Variants in SLC25A26 observed in about 807,000 individuals in gnomAD.
The protein encoded by SLC25A26 is mitochondrial S-adenosylmethionine carrier protein.
SLC25A26 carries 36 observed loss-of-function variants against 37.8 expected under a neutral mutation model. That is an observed-to-expected ratio of 0.95 (90% CI 0.73 to 1.26). SLC25A26 has a LOEUF of 1.26. Ranked by LOEUF, SLC25A26 falls within the 50% of genes most tolerant of loss-of-function variation. The pLI is 0.00. For missense variants in SLC25A26, 390 were observed against 331.1 expected (o/e 1.18, Z -1.38); for synonymous variants, 129 against 122.5 (o/e 1.05, Z -0.35).
At chr3:66,255,863 G>T (rs530373486) in intron 3 of SLC25A26, among the ~76,000 whole-genome samples, 11 of 152,298 alleles carry the variant, frequency 7.2e-5, no homozygotes, top group African/African-American at 2.2e-4. Context: ...TCATGCCACA[G>T]TTGTCACCCA....
intron 1 of SLC25A26, among the ~76,000 whole-genome samples, chr3:66,234,351 T>C (rs984559638): frequency 2.6e-5 from 4 of 152,220 alleles, no homozygotes; most frequent in African/African-American, 9.6e-5. Flanking sequence ...TGTGAACTTT[T>C]TCCCATGACT....
intron 5 of SLC25A26, among the ~76,000 whole-genome samples, chr3:66,295,943 C>G (rs2074888104): frequency 6.6e-6 from 1 of 151,806 alleles, no homozygotes; most frequent in African/African-American, 2.4e-5. Flanking sequence ...ATGGTGAAAC[C>G]TCATCTTTAA....
At chr3:66,212,090 A>G (rs2071291542) in intron 1 of SLC25A26, among the ~76,000 whole-genome samples, 1 of 152,202 alleles carries the variant, frequency 6.6e-6, no homozygotes, top group Admixed American at 6.5e-5. Context: ...CTTTTGTTAC[A>G]GTATATTGTT....
At chr3:66,211,809 T>C (rs2071287282) in intron 1 of SLC25A26, among the ~76,000 whole-genome samples, 1 of 152,228 alleles carries the variant, frequency 6.6e-6, no homozygotes, top group East Asian at 1.9e-4. Flanking sequence ...TTTATTGTTG[T>C]AAAATATAAC....
chr3:66,168,198 T>TACACACAC (rs768205197), intron 1 of SLC25A26, among the ~76,000 whole-genome samples: 6 of 122,412 alleles, frequency 4.9e-5, no homozygotes, highest in African/African-American at 1.2e-4. Context: ...TATATATATA[T>TACACACAC]ATACACACAC....
chr3:66,172,192 C>T (rs1156590473), intron 1 of SLC25A26, among the ~76,000 whole-genome samples: 1 of 152,100 alleles, frequency 6.6e-6, no homozygotes, highest in Non-Finnish European at 1.5e-5. Flanking sequence ...AGGAGGATCA[C>T]TTGAGCCCAG....
intron 5 of SLC25A26, among the ~76,000 whole-genome samples, chr3:66,304,170 C>G (rs1330541882): frequency 2.6e-5 from 4 of 152,188 alleles, no homozygotes; most frequent in East Asian, 3.9e-4. Flanking sequence ...TTAATTAAAT[C>G]TGCAGAATCC....
chr3:66,214,344 T>C (rs2071330178), intron 1 of SLC25A26, among the ~76,000 whole-genome samples: 1 of 152,198 alleles, frequency 6.6e-6, no homozygotes, highest in Non-Finnish European at 1.5e-5. Flanking sequence ...TTGTACAGCC[T>C]GCAGAACCGT....
chr3:66,139,007 A>G (rs189305218), intron 1 of SLC25A26, among the ~76,000 whole-genome samples: 1 of 152,032 alleles, frequency 6.6e-6, no homozygotes, highest in Admixed American at 6.6e-5. Context: ...GTTGAAACGA[A>G]TTCAAATTGC....
chr3:66,272,427 A>G (rs2073990205), intron 5 of SLC25A26, among the ~76,000 whole-genome samples: 1 of 152,166 alleles, frequency 6.6e-6, no homozygotes, highest in Non-Finnish European at 1.5e-5. Context: ...CGTTAGTGCC[A>G]GGAGTTTGGG....
intron 7 of SLC25A26, among the ~76,000 whole-genome samples, chr3:66,368,641 C>A (rs1305721388): frequency 1.3e-5 from 2 of 152,186 alleles, no homozygotes. Context: ...CCAAAATCCC[C>A]ACAATGTCAC....
intron 1 of SLC25A26, among the ~76,000 whole-genome samples, chr3:66,149,792 A>C (rs946121243): frequency 6.6e-6 from 1 of 152,214 alleles, no homozygotes; most frequent in Admixed American, 6.5e-5. Context: ...TAATGACACC[A>C]GGATAACAGG....
chr3:66,274,874 C>T (rs1273106168), intron 5 of SLC25A26, among the ~76,000 whole-genome samples: 20 of 152,106 alleles, frequency 1.3e-4, no homozygotes, highest in South Asian at 4.2e-4. Context: ...CTAGAAATAC[C>T]ATTTGACCCA....
At chr3:66,218,547 C>A (rs1232768703), upstream of SLC25A26, among the ~76,000 whole-genome samples, 1 of 152,134 alleles carries the variant, frequency 6.6e-6, no homozygotes, top group Non-Finnish European at 1.5e-5. Flanking sequence ...AAGATGGCAC[C>A]CAGTGATCCT....
intron 5 of SLC25A26, among the ~76,000 whole-genome samples, chr3:66,269,542 G>C (rs1275067822): frequency 1.3e-5 from 2 of 152,176 alleles, no homozygotes; most frequent in East Asian, 3.9e-4. Context: ...ATTCCTAATG[G>C]AAGTGTGTTG....
chr3:66,316,481 T>C (rs1575555218), intron 5 of SLC25A26, among the ~76,000 whole-genome samples: 1 of 152,162 alleles, frequency 6.6e-6, no homozygotes, highest in Non-Finnish European at 1.5e-5. Context: ...TGCTGAGAGG[T>C]CTGCTCTTAG....
chr3:66,307,927 G>A (rs933623220), intron 5 of SLC25A26, among the ~76,000 whole-genome samples: 1 of 152,134 alleles, frequency 6.6e-6, no homozygotes, highest in Admixed American at 6.5e-5. Context: ...TTTGAAGTCA[G>A]GTAGCATGAT....
Position 66,321,490 on chromosome 3 carries a change from G to A in SLC25A26, c.454-24874G>A, listed in dbSNP as rs1000692447. ...CCAGTTTGAGAAACCCTTCCGTGTA[G>A]GGATTTGTATCTCTTTTACTTCTTT... is the stretch of plus-strand genomic sequence containing the variant. On this transcript the variant is annotated intron_variant, in intron 5 of 9. Coordinates refer to ENST00000354883, the MANE Select transcript of SLC25A26 (RefSeq NM_001379210.1). Among the ~76,000 whole-genome samples the A allele has an allele frequency of 3.3e-5, 5 of 152,268 alleles. No individual in the cohort carries two copies. In the East Asian group the frequency reaches 9.7e-4, roughly 29 times the overall value.
At chr3:66,228,774 T>TC (rs2071876479) in intron 1 of SLC25A26, among the ~76,000 whole-genome samples, 1 of 152,222 alleles carries the variant, frequency 6.6e-6, no homozygotes, top group Non-Finnish European at 1.5e-5. Flanking sequence ...ATATTCTACT[T>TC]TAAAAAATTA....
Sources: gnomAD v4.1 joint callset for allele counts (sites outside exome capture counted in the v4.1 genomes callset) on GRCh38, gnomAD v4.1.1 for gene constraint, MANE v1.5 for transcripts, NCBI Gene and HGNC (gene_info 2026-07-23, HGNC 2026-07-21) for gene names.